HBS1L: variants seen among roughly 807,000 people sequenced by gnomAD.
HBS1L encodes HBS1 like translational GTPase, also known as HBS1-like protein.
In HBS1L, 55 loss-of-function variants were observed where a neutral mutation model predicts 88.9. That is an observed-to-expected ratio of 0.62 (90% confidence interval 0.50 to 0.77). The LOEUF (loss-of-function observed/expected upper bound fraction) is 0.77. Among genes scored for constraint, HBS1L ranks in the 30% least tolerant of loss-of-function variants. The probability of loss-of-function intolerance (pLI) is 0.00; values close to 1 mark genes in which losing one functional copy is unlikely to be tolerated. For missense variants in HBS1L, 741 were observed against 829.3 expected (o/e 0.89, Z 1.31); for synonymous variants, 267 against 288.5 (o/e 0.93, Z 0.76).
chr6:135,050,775 T>C, intron 1 of HBS1L, 128 bp from the exon 2 acceptor site: 1 of 615,276 alleles, frequency 1.6e-6, no homozygotes. Context: ...CTAGAATGTC[T>C]ATTTTCAAAA....
chr6:135,044,146 TCTC>T (rs1346628388), intron 2 of HBS1L, among the ~76,000 whole-genome samples: 3 of 152,154 alleles, frequency 2.0e-5, no homozygotes, highest in African/African-American at 7.2e-5. Context: ...CTTTCTTACA[TCTC>T]CTATCAAGCT....
intron 4 of HBS1L, among the ~76,000 whole-genome samples, chr6:135,022,296 CAT>C (rs1776094085): frequency 6.8e-6 from 1 of 147,210 alleles, no homozygotes; most frequent in Non-Finnish European, 1.5e-5. Flanking sequence ...TACAAATATA[CAT>C]GTGATTAGAA....
chr6:134,999,492 G>A (rs1775388054), intron 5 of HBS1L, among the ~76,000 whole-genome samples: 1 of 130,238 alleles, frequency 7.7e-6, no homozygotes, highest in African/African-American at 2.9e-5. Context: ...CTATCACCCA[G>A]GCTGGAGTGC....
intron 13 of HBS1L, among the ~76,000 whole-genome samples, chr6:134,979,651 T>A (rs1297766729): frequency 6.6e-6 from 1 of 152,008 alleles, no homozygotes; most frequent in Non-Finnish European, 1.5e-5. Context: ...ACATAAAAGA[T>A]GGGCTGGAGA....
intron 5 of HBS1L, among the ~76,000 whole-genome samples, chr6:134,998,759 G>C (rs767235864): frequency 6.6e-6 from 1 of 152,166 alleles, no homozygotes; most frequent in Non-Finnish European, 1.5e-5. Flanking sequence ...CTCAGGAAAA[G>C]AGTCACAATA....
At chr6:135,030,907 C>T (rs1217757146) in intron 4 of HBS1L, among the ~76,000 whole-genome samples, 1 of 151,850 alleles carries the variant, frequency 6.6e-6, no homozygotes. Flanking sequence ...TGCAGAGCAG[C>T]GAAAAATTTG....
chr6:134,998,209 T>C (rs151049082), intron 5 of HBS1L, among the ~76,000 whole-genome samples: 1 of 152,256 alleles, frequency 6.6e-6, no homozygotes, highest in African/African-American at 2.4e-5. Context: ...AACTACAACA[T>C]ATACTAGGGA....
chr6:135,023,972 T>A (rs1462293443), intron 4 of HBS1L, among the ~76,000 whole-genome samples: 1 of 152,184 alleles, frequency 6.6e-6, no homozygotes, highest in Non-Finnish European at 1.5e-5. Flanking sequence ...TTTAACACTA[T>A]TTTTTCAATG....
intron 4 of HBS1L, among the ~76,000 whole-genome samples, chr6:135,021,298 T>A (rs1157957856): frequency 5.9e-5 from 9 of 152,130 alleles, no homozygotes; most frequent in African/African-American, 1.9e-4. Context: ...GGATTAGGCA[T>A]GTACTTTCTC....
chr6:135,013,900 A>T (rs1047662116), intron 4 of HBS1L, among the ~76,000 whole-genome samples: 5 of 152,184 alleles, frequency 3.3e-5, no homozygotes, highest in African/African-American at 7.2e-5. Flanking sequence ...ATGGTAATTT[A>T]AAAAAGTAAT....
intron 7 of HBS1L, 108 bp from the exon 8 acceptor site, chr6:134,993,983 G>T: frequency 2.2e-6 from 1 of 453,042 alleles, no homozygotes; most frequent in South Asian, 8.0e-5. Context: ...AATGGAAATT[G>T]TTTTTATAGA....
intron 4 of HBS1L, 77 bp downstream of exon 4, chr6:135,039,496 A>G (rs552274552): frequency 1.4e-5 from 16 of 1,181,970 alleles, no homozygotes; most frequent in Non-Finnish European, 1.8e-5. Flanking sequence ...TATTTTCTTA[A>G]AAGCTCAAGC....
intron 4 of HBS1L, among the ~76,000 whole-genome samples, chr6:135,015,668 GC>G (rs201515040): frequency 0.015 from 2,300 of 152,002 alleles, 26 homozygotes; most frequent in Non-Finnish European, 0.024. Flanking sequence ...TGCAACCTCT[GC>G]CTCCCGGGTT....
chr6:135,000,175 C>G (rs1775409350), intron 5 of HBS1L, among the ~76,000 whole-genome samples: 1 of 150,834 alleles, frequency 6.6e-6, no homozygotes. Context: ...CCCACCTCAG[C>G]CTCTTAAGTA....
chr6:134,985,793 G>GT (rs1774962619), intron 11 of HBS1L, among the ~76,000 whole-genome samples: 1 of 152,018 alleles, frequency 6.6e-6, no homozygotes. Context: ...ATTCAACCAA[G>GT]TAATAGTTGC....
chr6:134,966,045 T>C (rs1774303993), intron 17 of HBS1L, among the ~76,000 whole-genome samples: 1 of 152,184 alleles, frequency 6.6e-6, no homozygotes, highest in Non-Finnish European at 1.5e-5. Flanking sequence ...GGTTCATTTC[T>C]GGCTGTTTTC....
rs1472831626 is a variant in HBS1L at position 134,986,820 on chromosome 6, A to T, written c.1231-10T>A. 6.8e-7 allele frequency: 1 copy of T among 1,473,984 alleles called. No homozygotes were observed. The highest frequency in any genetic ancestry group is 9.2e-7 in the Non-Finnish European group (1 of 1,091,260). 91.3% of individuals were successfully genotyped at this position (1,473,984 alleles called of 1,614,324 possible). A position where few individuals can be genotyped will look rare whatever the true frequency, so the allele number is the denominator to read the frequency against. On this transcript the variant is annotated splice_polypyrimidine_tract_variant and intron_variant, in intron 9 of 17. Coordinates refer to ENST00000367837, the MANE Select transcript of HBS1L (RefSeq NM_006620.4). ...CTTGTTGCCAATTAACCTGATAAAG[A>T]TCCAATTTATTTTTAAAACTATCCT...
At chr6:135,034,847 C>G (rs1235904945) in intron 4 of HBS1L, among the ~76,000 whole-genome samples, 1 of 152,134 alleles carries the variant, frequency 6.6e-6, no homozygotes, top group African/African-American at 2.4e-5. Flanking sequence ...TGATTCCTCC[C>G]TTTAAGGCAA....
At chr6:135,007,596 T>C (rs1308749046) in intron 4 of HBS1L, among the ~76,000 whole-genome samples, 1 of 152,206 alleles carries the variant, frequency 6.6e-6, no homozygotes, top group Non-Finnish European at 1.5e-5. Context: ...ACTTACTGAA[T>C]ACATTACAAA....
Sources: gnomAD v4.1 joint callset for allele counts (sites outside exome capture counted in the v4.1 genomes callset) on GRCh38, gnomAD v4.1.1 for gene constraint, MANE v1.5 for transcripts, NCBI Gene and HGNC (gene_info 2026-07-23, HGNC 2026-07-21) for gene names.